C8orf34: variants seen among roughly 807,000 people sequenced by gnomAD.
The protein encoded by C8orf34 is uncharacterized protein C8orf34.
C8orf34 carries 65 observed loss-of-function variants against 68.3 expected under a neutral mutation model. The observed-to-expected ratio is 0.95, with a 90% CI of 0.78 to 1.17. The LOEUF is 1.17. Among genes scored for constraint, C8orf34 ranks in the 50% most tolerant of loss-of-function variants. C8orf34 has a pLI of 0.00. For missense variants in C8orf34, 664 were observed against 655.4 expected (o/e 1.01, Z -0.14); for synonymous variants, 244 against 241.2 (o/e 1.01, Z -0.11).
chr8:68,574,584 C>T (rs1041524267), intron 7 of C8orf34, among the ~76,000 whole-genome samples: 1 of 151,984 alleles, frequency 6.6e-6, no homozygotes, highest in Non-Finnish European at 1.5e-5. Context: ...ATTAGTTAAG[C>T]ATTATCTTAC....
At chr8:68,546,902 C>T (rs1422678162) in intron 7 of C8orf34, among the ~76,000 whole-genome samples, 1 of 151,576 alleles carries the variant, frequency 6.6e-6, no homozygotes, top group African/African-American at 2.4e-5. Flanking sequence ...AAATACAACA[C>T]ATAAAATCTC....
chr8:68,600,540 TTG>T (rs1817669658), intron 7 of C8orf34, among the ~76,000 whole-genome samples: 1 of 152,158 alleles, frequency 6.6e-6, no homozygotes, highest in African/African-American at 2.4e-5. Flanking sequence ...TTAATTTTCT[TTG>T]CCTGAGAATG....
intron 4 of C8orf34, among the ~76,000 whole-genome samples, chr8:68,485,019 T>G (rs578044229): frequency 2.0e-5 from 3 of 152,368 alleles, no homozygotes; most frequent in Admixed American, 2.0e-4. Flanking sequence ...AACCAAGTTT[T>G]CCATTTAGCT....
chr8:68,721,247 A>AT (rs951026250), intron 9 of C8orf34, 114 bp from the exon 10 acceptor site: 4 of 670,804 alleles, frequency 6.0e-6, no homozygotes, highest in Non-Finnish European at 1.0e-5. Flanking sequence ...AAACACTATG[A>AT]TTTTTTCAAC....
intron 10 of C8orf34, among the ~76,000 whole-genome samples, chr8:68,735,057 G>A (rs1308314876): frequency 6.6e-6 from 1 of 152,172 alleles, no homozygotes; most frequent in African/African-American, 2.4e-5. Context: ...TTAATTTTTA[G>A]ATGGAAAAAC....
At chr8:68,485,722 A>T (rs1013969710) in intron 4 of C8orf34, among the ~76,000 whole-genome samples, 1 of 50,002 alleles carries the variant, frequency 2.0e-5, no homozygotes, top group Non-Finnish European at 4.4e-5. Context: ...AAAAAAAAAT[A>T]AAAAATAAAT....
At position 68,579,055 on chromosome 8, in the gene C8orf34, A is replaced by G. The variant is rs137958683; in HGVS notation, c.1105+45906A>G. Among the ~76,000 whole-genome samples the G allele has an allele frequency of 3.4e-3, 523 of 152,228 alleles. 9 individuals are homozygous for G. The highest frequency in any genetic ancestry group is 0.012 in the African/African-American group (488 of 41,558). On this transcript the variant is annotated intron_variant, in intron 7 of 13. Transcript: ENST00000518698. ...TTTTCCAAATGAGAATTAAGGAGTG[A>G]CACCTACTTAAATGGTTGCTGTTTT...
intron 5 of C8orf34, among the ~76,000 whole-genome samples, chr8:68,511,157 A>C (rs1814256418): frequency 6.6e-6 from 1 of 152,214 alleles, no homozygotes; most frequent in African/African-American, 2.4e-5. Context: ...GTTATAAATA[A>C]ATTTTTTGGT....
intron 1 of C8orf34, among the ~76,000 whole-genome samples, chr8:68,403,499 A>T (rs1809049524): frequency 6.6e-6 from 1 of 152,022 alleles, no homozygotes; most frequent in South Asian, 2.1e-4. Flanking sequence ...CCCATCACCT[A>T]CATTAGGTAT....
intron 5 of C8orf34, among the ~76,000 whole-genome samples, chr8:68,503,782 A>G (rs1813884056): frequency 6.6e-6 from 1 of 151,752 alleles, no homozygotes; most frequent in Non-Finnish European, 1.5e-5. Flanking sequence ...CATGGAATAA[A>G]CGTTCACCTC....
At chr8:68,549,905 A>T (rs1475812482) in intron 7 of C8orf34, among the ~76,000 whole-genome samples, 1 of 151,744 alleles carries the variant, frequency 6.6e-6, no homozygotes, top group Non-Finnish European at 1.5e-5. Flanking sequence ...GTCTGAAAAT[A>T]ATATAGCTAC....
intron 11 of C8orf34, among the ~76,000 whole-genome samples, chr8:68,781,500 A>G (rs1177612323): frequency 1.3e-5 from 2 of 152,216 alleles, no homozygotes; most frequent in East Asian, 3.8e-4. Context: ...AGTTTGTACT[A>G]CACTCAGATA....
chr8:68,736,883 T>A lies in C8orf34; in HGVS notation c.1404+15446T>A, dbSNP rs148202584. 5.3e-3 allele frequency among the ~76,000 whole-genome samples: 805 copies of A among 152,184 alleles called. 6 individuals carry two copies. The highest frequency in any genetic ancestry group is 0.019 in the African/African-American group (780 of 41,548). On this transcript the variant is annotated intron_variant, in intron 10 of 13. Transcript: ENST00000518698. ...CTGTGTCTTAGGTACCTCCCATGAG[T>A]CCAATTATTAGGCTGAGGTTATTGG...
At chr8:68,445,263 G>A (rs1037515642) in intron 2 of C8orf34, among the ~76,000 whole-genome samples, 9 of 152,114 alleles carry the variant, frequency 5.9e-5, no homozygotes, top group Non-Finnish European at 1.2e-4. Context: ...TTATAAGTGA[G>A]TAGCCAGAGA....
At chr8:68,736,355 T>A (rs1173352637) in intron 10 of C8orf34, among the ~76,000 whole-genome samples, 1 of 152,116 alleles carries the variant, frequency 6.6e-6, no homozygotes, top group Non-Finnish European at 1.5e-5. Flanking sequence ...TATTATCATC[T>A]CCATTTTAAA....
chr8:68,804,937 T>C (rs541806259), intron 12 of C8orf34, among the ~76,000 whole-genome samples: 7 of 152,278 alleles, frequency 4.6e-5, no homozygotes, highest in African/African-American at 1.7e-4. Context: ...AAAACCTACA[T>C]ATAAGGAGAG....
chr8:68,360,780 C>G (rs1402209376), intron 1 of C8orf34, among the ~76,000 whole-genome samples: 4 of 136,552 alleles, frequency 2.9e-5, no homozygotes, highest in Non-Finnish European at 6.1e-5. Context: ...TTTTCTTGAG[C>G]CTCGCTCTGT....
intron 1 of C8orf34, among the ~76,000 whole-genome samples, chr8:68,338,958 T>C (rs1020677213): frequency 2.0e-5 from 3 of 152,116 alleles, no homozygotes; most frequent in African/African-American, 7.2e-5. Context: ...TATACTTCTC[T>C]GATCTCTAAT....
At chr8:68,513,188 T>G (rs147236272) in intron 5 of C8orf34, among the ~76,000 whole-genome samples, 64 of 152,322 alleles carry the variant, frequency 4.2e-4, no homozygotes, top group Non-Finnish European at 4.4e-5. Context: ...AAGATTAAAG[T>G]CACATGAACT....
Sources: allele counts gnomAD v4.1 joint callset (sites outside exome capture counted in the v4.1 genomes callset), GRCh38; gene constraint gnomAD v4.1.1; transcripts MANE v1.5; gene names NCBI Gene and HGNC (gene_info 2026-07-23, HGNC 2026-07-21).